Variants in HIBCH observed in about 807,000 individuals in gnomAD.
The protein encoded by HIBCH is 3-hydroxyisobutyryl-CoA hydrolase, mitochondrial.
HIBCH carries 50 observed loss-of-function variants against 58.2 expected under a neutral mutation model. That is an observed-to-expected ratio of 0.86 (90% confidence interval 0.68 to 1.09). The LOEUF (loss-of-function observed/expected upper bound fraction) is 1.09, where lower values mean the gene tolerates loss of function less well. Among genes scored for constraint, HIBCH ranks in the 50% least tolerant of loss-of-function variants. The pLI, the probability that HIBCH is intolerant of heterozygous loss-of-function variation, is 0.00. For missense variants in HIBCH, 450 were observed against 449.7 expected (o/e 1.00, Z -0.01); for synonymous variants, 151 against 146.9 (o/e 1.03, Z -0.20).
intron 6 of HIBCH, among the ~76,000 whole-genome samples, chr2:190,273,330 T>C (rs1253573876): frequency 6.6e-6 from 1 of 151,956 alleles, no homozygotes; most frequent in East Asian, 1.9e-4. Context: ...GAGGTGGAGG[T>C]TGCAGTGAGC....
chr2:190,226,530 G>A (rs938119990), intron 11 of HIBCH, among the ~76,000 whole-genome samples: 1 of 148,782 alleles, frequency 6.7e-6, no homozygotes, highest in African/African-American at 2.5e-5. Flanking sequence ...GGGAGGTGGA[G>A]GTTGCAGTGA....
intron 11 of HIBCH, among the ~76,000 whole-genome samples, chr2:190,242,743 A>T (rs1686488434): frequency 6.6e-6 from 1 of 152,196 alleles, no homozygotes; most frequent in Admixed American, 6.5e-5. Context: ...TGATTGTCAT[A>T]AATATTTCCT....
chr2:190,193,638 TTA>T (rs917769417), intron 1 of HIBCH, among the ~76,000 whole-genome samples: 3 of 152,164 alleles, frequency 2.0e-5, no homozygotes, highest in African/African-American at 7.2e-5. Context: ...ATAAAATTGT[TTA>T]TATTATTCCT....
chr2:190,248,071 G>C (rs2664275), intron 9 of HIBCH, among the ~76,000 whole-genome samples: 47,619 of 152,036 alleles, frequency 0.31, 8,592 homozygotes, highest in African/African-American at 0.48. Flanking sequence ...TGTTGTTTAA[G>C]AGGTAAAATA....
At chr2:190,248,524 T>C (rs528081241) in intron 9 of HIBCH, among the ~76,000 whole-genome samples, 6 of 152,274 alleles carry the variant, frequency 3.9e-5, no homozygotes, top group African/African-American at 1.4e-4. Context: ...GTATCTACTC[T>C]TCTGCCAGGC....
intron 11 of HIBCH, among the ~76,000 whole-genome samples, chr2:190,239,344 T>C (rs1203225679): frequency 6.6e-6 from 1 of 152,194 alleles, no homozygotes; most frequent in Non-Finnish European, 1.5e-5. Flanking sequence ...GGTACCACTA[T>C]ACCATGCTGT....
chr2:190,231,176 C>A (rs193258426), intron 11 of HIBCH, among the ~76,000 whole-genome samples: 1 of 152,192 alleles, frequency 6.6e-6, no homozygotes, highest in African/African-American at 2.4e-5. Flanking sequence ...AAAAAATTAA[C>A]CTGGACTTCT....
chr2:190,258,629 C>A (rs1179624862), intron 7 of HIBCH, among the ~76,000 whole-genome samples: 1 of 152,204 alleles, frequency 6.6e-6, no homozygotes, highest in African/African-American at 2.4e-5. Flanking sequence ...GTATATACGA[C>A]AACAATCGTA....
rs1483321453 is a variant in HIBCH, at chr2:190,226,594, TCAAAAAAAAAAAAAA to T, written c.892-13534_892-13520del. ...TGGGCAACAAGAGTGAAACTCCGTC[TCAAAAAAAAAAAAAA>T]AAAAAAAAAAAAAAGAGGAAGTCAA... On this transcript the variant is annotated intron_variant, in intron 11 of 13. Transcript: ENST00000359678. 1.2e-3 allele frequency among the ~76,000 whole-genome samples: 111 copies of T among 89,840 alleles called. 1 individual carries two copies. The highest frequency in any genetic ancestry group is 1.4e-3 in the African/African-American group (41 of 29,122). The allele number at this position is 89,840 out of a possible 152,430, so 58.9% of individuals were successfully genotyped here.
At chr2:190,319,144 G>A (rs989860617) in intron 1 of HIBCH, among the ~76,000 whole-genome samples, 6 of 152,192 alleles carry the variant, frequency 3.9e-5, no homozygotes, top group Admixed American at 1.3e-4. Context: ...AGATTTCCTA[G>A]GCTGAGCTCA....
Position 190,213,343 on chromosome 2 carries a change from T to C in HIBCH, c.892-268A>G, listed in dbSNP as rs1333154474. ...GTTTGCTTAGCATAAATTATGCCAA[T>C]TGGCTAAGCAAACAGCAATTACACT... On this transcript the variant is annotated intron_variant, in intron 11 of 13. Transcript: ENST00000359678. 4 of 420,456 alleles carry C rather than the reference T, an allele frequency of 9.5e-6. No homozygotes were observed. In the East Asian group the frequency reaches 1.5e-4, roughly 15 times the overall value. The allele number at this position is 420,456 out of a possible 1,614,324, so 26.0% of individuals were successfully genotyped here. A position where few individuals can be genotyped will look rare whatever the true frequency, so the allele number is the denominator to read the frequency against.
intron 6 of HIBCH, among the ~76,000 whole-genome samples, chr2:190,273,323 G>A (rs1052359657): frequency 2.6e-5 from 4 of 152,188 alleles, no homozygotes; most frequent in Admixed American, 2.0e-4. Flanking sequence ...AACCCAGGAG[G>A]TGGAGGTTGC....
chr2:190,261,264 G>C (rs1575732460), intron 6 of HIBCH, 30 bp from the exon 7 acceptor site: 1 of 1,486,866 alleles, frequency 6.7e-7, no homozygotes, highest in Non-Finnish European at 9.4e-7. Flanking sequence ...AAAGAGGCGG[G>C]GGGGAATTAA....
chr2:190,195,917 G>C (rs1689947469), intron 1 of HIBCH, among the ~76,000 whole-genome samples: 1 of 146,644 alleles, frequency 6.8e-6, no homozygotes, highest in African/African-American at 2.5e-5. Flanking sequence ...TTAATTTTGT[G>C]AAGGGTTTAA....
intron 11 of HIBCH, among the ~76,000 whole-genome samples, chr2:190,224,222 T>G (rs1329739167): frequency 6.6e-6 from 1 of 152,200 alleles, no homozygotes; most frequent in Non-Finnish European, 1.5e-5. Context: ...CGTCGGCCAT[T>G]GCTGATGCTT....
intron 11 of HIBCH, among the ~76,000 whole-genome samples, chr2:190,230,200 T>G (rs985668274): frequency 2.0e-5 from 3 of 152,142 alleles, no homozygotes; most frequent in African/African-American, 4.8e-5. Context: ...GTGAACTCTC[T>G]TTTCTACAAC....
intron 7 of HIBCH, among the ~76,000 whole-genome samples, 191 bp downstream of exon 7, chr2:190,260,963 TTG>T (rs1436376221): frequency 3.3e-5 from 5 of 152,190 alleles, no homozygotes; most frequent in Non-Finnish European, 5.9e-5. Context: ...GTTCTCAGTT[TTG>T]TGTTTTCAGA....
chr2:190,307,095 T>C (rs1490194107), intron 2 of HIBCH, among the ~76,000 whole-genome samples: 2 of 152,206 alleles, frequency 1.3e-5, no homozygotes, highest in Admixed American at 1.3e-4. Context: ...TCATCTACTA[T>C]ATTCTTGGGA....
chr2:190,194,706 A>T (rs1375147097), intron 1 of HIBCH, among the ~76,000 whole-genome samples: 2 of 152,142 alleles, frequency 1.3e-5, no homozygotes, highest in East Asian at 3.8e-4. Flanking sequence ...CCTCTTCCAT[A>T]ACCCTTGGCA....
Sources: allele counts gnomAD v4.1 joint callset (sites outside exome capture counted in the v4.1 genomes callset), GRCh38; gene constraint gnomAD v4.1.1; transcripts MANE v1.5; gene names NCBI Gene and HGNC (gene_info 2026-07-23, HGNC 2026-07-21).